The following DUS1L variants were observed in gnomAD, a reference collection of about 807,000 sequenced individuals.
DUS1L encodes the protein tRNA-dihydrouridine(16/17) synthase [NAD(P)(+)]-like.
Under a neutral mutation model 61.2 loss-of-function variants are expected in DUS1L, and 56 were observed. The observed-to-expected ratio is 0.92, with a 90% CI of 0.74 to 1.14. The LOEUF (loss-of-function observed/expected upper bound fraction) is 1.14. Ranked by LOEUF, DUS1L falls within the 50% of genes most tolerant of loss-of-function variation. DUS1L has a pLI of 0.00. For synonymous variants in DUS1L, 278 were observed against 259.5 expected (o/e 1.07, Z -0.69); for missense variants, 630 against 632.4 (o/e 1.00, Z 0.04).
chr17:82,061,103 A>C lies in DUS1L; in HGVS notation c.842+106T>G, dbSNP rs541939857. The stretch of plus-strand genomic sequence containing the variant: ...ACCCCAGCCCCTCAAGACCTGACTT[A>C]GCAGCAAGTTGTTTTGACAAAACCT... On this transcript the variant is annotated intron_variant, in intron 8 of 13. Transcript: ENST00000306796. 5.1e-5 allele frequency: 79 copies of C among 1,544,854 alleles called. No homozygotes were observed. The African/African-American group carries it at 1.0e-3, about 20-fold the overall frequency.
chr17:82,058,006 C>T lies in DUS1L; in HGVS notation c.*109G>A, dbSNP rs759554761. On this transcript the variant is annotated 3_prime_UTR_variant, in exon 14 of 14. Coordinates refer to ENST00000306796, the MANE Select transcript of DUS1L (RefSeq NM_022156.5). Reference sequence around the variant, plus strand: ...AGAGTGGGCCGAAGGGGGACATGGGCGTGTCTTTCCACATTAAGTAGCAGG... The same window carrying T: ...AGAGTGGGCCGAAGGGGGACATGGGTGTGTCTTTCCACATTAAGTAGCAGG... 3.5e-5 allele frequency: 48 copies of T among 1,363,762 alleles called. No homozygotes were observed. In the South Asian group the frequency reaches 5.3e-4, roughly 15 times the overall value. The allele number at this position is 1,363,762 out of a possible 1,614,324, so 84.5% of individuals were successfully genotyped here. A position where few individuals can be genotyped will look rare whatever the true frequency, so the allele number is the denominator to read the frequency against.
At chr17:82,062,748 G>A (rs1419606799) in intron 5 of DUS1L, 113 bp downstream of exon 5, 11 of 900,600 alleles carry the variant, frequency 1.2e-5, no homozygotes, top group Non-Finnish European at 1.7e-5. Context: ...GAGGGCCACT[G>A]CCCCCATGAG....
In DUS1L at chr17:82,058,175, C is replaced by T. The variant is rs779955897; in HGVS notation, c.1362G>A (p.Gln454=). 1 of 1,600,634 alleles carries T rather than the reference C, an allele frequency of 6.2e-7. No individual in the cohort carries two copies. The highest frequency in any genetic ancestry group is 2.3e-5 in the East Asian group (1 of 44,266). Residue 454 remains glutamine, a synonymous_variant, in exon 14 of 14, where the codon CAG becomes CAA. Coordinates refer to ENST00000306796, the MANE Select transcript of DUS1L (RefSeq NM_022156.5). The part of the protein sequence containing the change: ...KEAQPELQEP[Q]PAAPGTPGGF... ...CACCTGGTGTTCCAGGTGCTGCTGGCTGAGGCTCCTGCAGCTCAGGCTGGG... is the reference window on the plus strand; with the variant it reads ...CACCTGGTGTTCCAGGTGCTGCTGGTTGAGGCTCCTGCAGCTCAGGCTGGG...
chr17:82,063,148 C>T (rs968478620), intron 4 of DUS1L, 175 bp from the exon 5 acceptor site: 7 of 649,566 alleles, frequency 1.1e-5, no homozygotes, highest in Non-Finnish European at 1.9e-5. Context: ...AGGCTCCCTC[C>T]GCCATACCCC....
At position 82,062,909 on chromosome 17, in the gene DUS1L, A is replaced by ACAC; in HGVS notation, c.461_462insGTG (p.Ile154delinsMetCys). 2 of 1,613,044 alleles carry ACAC rather than the reference A, an allele frequency of 1.2e-6. No individual in the cohort carries two copies. The highest frequency in any genetic ancestry group is 1.7e-6 in the Non-Finnish European group (2 of 1,179,946). On this transcript the variant is annotated protein_altering_variant, in exon 5 of 14. Coordinates refer to ENST00000306796, the MANE Select transcript of DUS1L (RefSeq NM_022156.5). Reference sequence around the variant, plus strand: ...TCTGGGCGTACCTCACGGTCTTGTCAATCTCCGGGAAGACACGGATTTTGC... The same window carrying ACAC: ...TCTGGGCGTACCTCACGGTCTTGTCACACATCTCCGGGAAGACACGGATTTTGC...
Position 82,064,245 on chromosome 17 carries a change from T to C in DUS1L, c.238-11A>G, listed in dbSNP as rs1327412429. On this transcript the variant is annotated splice_polypyrimidine_tract_variant and intron_variant, in intron 2 of 13. Coordinates refer to ENST00000306796, the MANE Select transcript of DUS1L (RefSeq NM_022156.5). ...GTCATTGGCACAGAACTGGAGAAGA[T>C]GCAGGAGTCAGCCACGGGCCCAGCC... is the stretch of plus-strand genomic sequence containing the variant. 2 of 1,608,924 alleles carry C rather than the reference T, an allele frequency of 1.2e-6. No homozygotes were observed. The highest frequency in any genetic ancestry group is 2.2e-5 in the East Asian group (1 of 44,862).
intron 8 of DUS1L, 101 bp downstream of exon 8, chr17:82,061,108 C>G: frequency 1.9e-6 from 3 of 1,548,380 alleles, no homozygotes; most frequent in Non-Finnish European, 2.6e-6. Context: ...GACTTAGCAG[C>G]AAGTTGTTTT....
intron 5 of DUS1L, 91 bp from the exon 6 acceptor site, chr17:82,062,074 C>G: frequency 8.3e-7 from 1 of 1,202,854 alleles, no homozygotes; most frequent in Non-Finnish European, 1.1e-6. Context: ...TGCCCCTACT[C>G]CACCCCTCCG....
intron 5 of DUS1L, 95 bp from the exon 6 acceptor site, chr17:82,062,078 C>T (rs927870140): frequency 1.1e-5 from 13 of 1,131,312 alleles, no homozygotes; most frequent in Non-Finnish European, 1.5e-5. Context: ...CCTACTCCAC[C>T]CCTCCGAGCC....
At chr17:82,058,751 C>CT (rs1431856948) in intron 12 of DUS1L, 30 bp downstream of exon 12, 3 of 1,613,108 alleles carry the variant, frequency 1.9e-6, no homozygotes, top group South Asian at 1.1e-5. Flanking sequence ...AAGCTGAAGC[C>CT]TTGGTGGCTT....
chr17:82,058,799 G>A lies in DUS1L; in HGVS notation c.1188C>T (p.Asp396=). 1.9e-6 allele frequency: 3 copies of A among 1,613,378 alleles called. No individual in the cohort carries two copies. The highest frequency in any genetic ancestry group is 2.5e-6 in the Non-Finnish European group (3 of 1,179,888). The change falls in exon 12 of 14, where the codon GAC becomes GAT. Residue 396 remains aspartate (D), a synonymous_variant. Transcript: ENST00000306796. ...CACTCACCTTTGGGTTTCCACACTGGTCACACTTTGCATATTTTGCTAGGA... is the reference window on the plus strand; with the variant it reads ...CACTCACCTTTGGGTTTCCACACTGATCACACTTTGCATATTTTGCTAGGA... ...PSLKPKYAKC[D]QCGNPKGNRC...
Position 82,064,920 on chromosome 17 carries a change from G to A in DUS1L, c.140C>T (p.Pro47Leu), listed in dbSNP as rs1478139460. ...RRHGAQLCYT[P>L]MLHAQVFVRD... is the part of the protein sequence containing the mutation. The stretch of plus-strand genomic sequence containing the variant: ...GACAAAGACCTGGGCATGCAGCATG[G>A]GCGTGTAGCAGAGCTGTGCCCCGTG... Residue 47 changes from proline to leucine, a missense_variant, in exon 2 of 14, where the codon CCC becomes CTC. Coordinates refer to ENST00000306796, the MANE Select transcript of DUS1L (RefSeq NM_022156.5). 1 of 1,612,566 alleles carries A rather than the reference G, an allele frequency of 6.2e-7. No individual in the cohort carries two copies. The highest frequency in any genetic ancestry group is 8.5e-7 in the Non-Finnish European group (1 of 1,179,878).
chr17:82,064,564 C>G (rs925796719), intron 2 of DUS1L, among the ~76,000 whole-genome samples: 1 of 152,226 alleles, frequency 6.6e-6, no homozygotes, highest in Non-Finnish European at 1.5e-5. Flanking sequence ...TCACAGCACC[C>G]AGGCTGCCTG....
rs774494600 is a variant in DUS1L, at chr17:82,058,210, A to G, written c.1327T>C (p.Trp443Arg). The change falls in exon 14 of 14, where the codon TGG becomes CGG. Residue 443 changes from tryptophan (W) to arginine (R), a missense_variant. By Grantham distance (101) the Trp-to-Arg change is moderately radical. Coordinates refer to ENST00000306796, the MANE Select transcript of DUS1L (RefSeq NM_022156.5). Reference protein sequence around the residue: ...FKTKLEKSLAWKEAQPELQEP... With the variant: ...FKTKLEKSLARKEAQPELQEP... ...TGCAGCTCAGGCTGGGCCTCTTTCC[A>G]GGCCAGAGACTTCTCCAATTTGGTT... The G allele has an allele frequency of 1.9e-6, 3 of 1,597,492 alleles. No individual in the cohort carries two copies. Among genetic ancestry groups the G allele is most frequent in the Admixed American group, 3.4e-5 (2 of 59,060 alleles).
In DUS1L at chr17:82,057,815, G is replaced by T. The variant is rs541317232; in HGVS notation, c.*300C>A. On this transcript the variant is annotated 3_prime_UTR_variant, in exon 14 of 14. Transcript: ENST00000306796. ...TCAGAAGCCCCCACTGGCCCCAACC[G>T]CACCTGCCCCGGCTCATGCCTCCCT... 2.5e-5 allele frequency: 7 copies of T among 285,128 alleles called. No homozygotes were observed. The South Asian group carries it at 5.9e-4, about 24-fold the overall frequency. The allele number at this position is 285,128 out of a possible 1,614,324, so 17.7% of individuals were successfully genotyped here.
Position 82,057,936 on chromosome 17 carries a change from G to A in DUS1L, c.*179C>T, listed in dbSNP as rs371139134. 3.8e-4 allele frequency: 254 copies of A among 670,258 alleles called. 2 individuals carry two copies. In the African/African-American group the frequency reaches 4.2e-3, roughly 11 times the overall value. 41.5% of individuals were successfully genotyped at this position (670,258 alleles called of 1,614,324 possible). ...CACACGCGTGCTGAGGACAGGGCAG[G>A]TCCAGCCTGGGGCCTGCTCCCCACT... On this transcript the variant is annotated 3_prime_UTR_variant, in exon 14 of 14. Coordinates refer to ENST00000306796, the MANE Select transcript of DUS1L (RefSeq NM_022156.5).
In DUS1L at chr17:82,062,906, G is replaced by C. The variant is rs770057446; in HGVS notation, c.465C>G (p.Asp155Glu). 6.2e-7 allele frequency: 1 copy of C among 1,613,078 alleles called. No individual in the cohort carries two copies. The highest frequency in any genetic ancestry group is 2.2e-5 in the East Asian group (1 of 44,892). ...TCKIRVFPEI[D>E]KTVRYAQMLE... ...GCATCTGGGCGTACCTCACGGTCTT[G>C]TCAATCTCCGGGAAGACACGGATTT... Residue 155 changes from aspartate (D) to glutamate (E), a missense_variant, in exon 5 of 14, where the codon GAC (aspartate) becomes GAG (glutamate). Coordinates refer to ENST00000306796, the MANE Select transcript of DUS1L (RefSeq NM_022156.5).
intron 7 of DUS1L, 26 bp from the exon 8 acceptor site, chr17:82,061,379 C>T: frequency 1.3e-6 from 2 of 1,552,960 alleles, no homozygotes; most frequent in Non-Finnish European, 1.7e-6. Flanking sequence ...CGGGGAAGGA[C>T]ACCTCGTGGG....
chr17:82,065,019 A>T lies in DUS1L; in HGVS notation c.41T>A (p.Leu14Gln). Residue 14 changes from leucine (L) to glutamine (Q), a missense_variant, in exon 2 of 14, where the codon CTG (leucine) becomes CAG (glutamine). Physicochemically the swap from Leu to Gln is moderately radical, Grantham distance 113. Coordinates refer to ENST00000306796, the MANE Select transcript of DUS1L (RefSeq NM_022156.5). ...GGCCACGACGTGGCGGGCCCCTCGC[A>T]GGGTGCGGCTCCAGAACTCGAAGCC... is the stretch of plus-strand genomic sequence containing the variant. ...LQGFEFWSRT[L>Q]RGARHVVAPM... 1 of 1,609,186 alleles carries T rather than the reference A, an allele frequency of 6.2e-7. No individual in the cohort carries two copies.
Sources: allele counts gnomAD v4.1 joint callset (sites outside exome capture counted in the v4.1 genomes callset), GRCh38; gene constraint gnomAD v4.1.1; transcripts MANE v1.5; gene names NCBI Gene and HGNC (gene_info 2026-07-23, HGNC 2026-07-21).